Variants in EGFLAM observed in about 807,000 individuals in gnomAD.
The protein encoded by EGFLAM is pikachurin.
A neutral mutation model predicts 113.1 loss-of-function variants in EGFLAM; 79 were observed. The observed-to-expected ratio is 0.70, with a 90% CI of 0.58 to 0.84. EGFLAM has a LOEUF of 0.84. Ranked by LOEUF, EGFLAM falls within the 40% of genes least tolerant of loss-of-function variation. The pLI, the probability that EGFLAM is intolerant of heterozygous loss-of-function variation, is 0.00. For synonymous variants in EGFLAM, 504 were observed against 487.6 expected, an observed-to-expected ratio of 1.03 and a Z score of -0.44; for missense variants, 1,265 against 1,291.6, an observed-to-expected ratio of 0.98 and a Z score of 0.32.
chr5:38,335,373 T>A (rs1276124924), intron 1 of EGFLAM, among the ~76,000 whole-genome samples: 4 of 152,218 alleles, frequency 2.6e-5, no homozygotes, highest in Non-Finnish European at 5.9e-5. Flanking sequence ...ACATGCGTGC[T>A]CTGAAAAGCA....
chr5:38,383,244 C>T (rs966030183), intron 6 of EGFLAM, among the ~76,000 whole-genome samples: 5 of 152,108 alleles, frequency 3.3e-5, no homozygotes, highest in African/African-American at 7.2e-5. Flanking sequence ...CGTTCTTTGG[C>T]GTTTATAACA....
At chr5:38,412,239 A>C (rs1257429257) in intron 10 of EGFLAM, among the ~76,000 whole-genome samples, 1 of 152,154 alleles carries the variant, frequency 6.6e-6, no homozygotes, top group African/African-American at 2.4e-5. Context: ...TGATTTTCTA[A>C]GTTGCAGAAA....
At chr5:38,463,201 G>T (rs115123581) in intron 21 of EGFLAM, among the ~76,000 whole-genome samples, 190 bp downstream of exon 21, 1 of 152,122 alleles carries the variant, frequency 6.6e-6, no homozygotes, top group Non-Finnish European at 1.5e-5. Context: ...GGCTCCCTTC[G>T]ATGCTTTTAT....
intron 1 of EGFLAM, among the ~76,000 whole-genome samples, chr5:38,270,790 A>G (rs996661601): frequency 4.6e-5 from 7 of 152,248 alleles, no homozygotes; most frequent in African/African-American, 1.7e-4. Flanking sequence ...ATATACCTGC[A>G]AAAGTACCTA....
At chr5:38,445,779 G>T in intron 17 of EGFLAM, 1 of 1,475,510 alleles carries the variant, frequency 6.8e-7, no homozygotes, top group Non-Finnish European at 9.4e-7. Flanking sequence ...AGGGGGACCC[G>T]GGGTGAGTGG....
At chr5:38,314,991 G>A (rs6872312) in intron 1 of EGFLAM, among the ~76,000 whole-genome samples, 25,677 of 152,078 alleles carry the variant, frequency 0.17, 2,714 homozygotes, top group African/African-American at 0.3. Context: ...AATATTTGGG[G>A]GTCATTTGCT....
At chr5:38,438,799 GCCTAT>G (rs1421506005) in intron 17 of EGFLAM, among the ~76,000 whole-genome samples, 2 of 152,162 alleles carry the variant, frequency 1.3e-5, no homozygotes, top group African/African-American at 4.8e-5. Context: ...CACTCCCAGA[GCCTAT>G]CCTGATAGAT....
rs1742429256 is a variant in EGFLAM, at chr5:38,438,453, A to G, written c.2462A>G (p.Lys821Arg). Reference protein sequence around the residue: ...PLGFEGLHCQKAIIEAIEIPQ... With the variant: ...PLGFEGLHCQRAIIEAIEIPQ... ...GGCTTTGAGGGGCTTCACTGCCAGA[A>G]AGGTACGCTCAGGGGTCTGAGGCAC... Residue 821 changes from lysine (K) to arginine (R), a missense_variant and splice_region_variant, in exon 17 of 22, where the codon AAA (lysine) becomes AGA (arginine). Transcript: ENST00000322350. 5 of 1,607,254 alleles carry G rather than the reference A, an allele frequency of 3.1e-6. No homozygotes were observed. The highest frequency in any genetic ancestry group is 4.3e-6 in the Non-Finnish European group (5 of 1,175,706).
intron 6 of EGFLAM, among the ~76,000 whole-genome samples, chr5:38,383,072 C>T (rs1434042414): frequency 6.6e-6 from 1 of 152,206 alleles, no homozygotes; most frequent in African/African-American, 2.4e-5. Context: ...AGTCTGGAGT[C>T]ACCTGAAGTG....
rs1743397801 is a variant in EGFLAM, at chr5:38,464,343, G to GAA, written c.*359_*360dup. 4.9e-6 allele frequency: 1 copy of GAA among 202,460 alleles called. No homozygotes were observed. Among genetic ancestry groups the GAA allele is most frequent in the Non-Finnish European group, 1.0e-5 (1 of 100,026 alleles). The allele number at this position is 202,460 out of a possible 1,614,324, so 12.5% of individuals were successfully genotyped here. A position where few individuals can be genotyped will look rare whatever the true frequency, so the allele number is the denominator to read the frequency against. On this transcript the variant is annotated 3_prime_UTR_variant, in exon 22 of 22. Transcript: ENST00000322350. ...AGTACATTAAAAAGAGAGAGAGAGAGAAAGAATCCCACAGGGCACTATTAA... is the reference window on the plus strand; with the variant it reads ...AGTACATTAAAAAGAGAGAGAGAGAGAAAAAGAATCCCACAGGGCACTATTAA...
intron 1 of EGFLAM, among the ~76,000 whole-genome samples, chr5:38,301,125 G>T (rs7732529): frequency 6.6e-6 from 1 of 152,008 alleles, no homozygotes; most frequent in African/African-American, 2.4e-5. Context: ...GAGAAACTGT[G>T]GTCAGAACAA....
intron 6 of EGFLAM, among the ~76,000 whole-genome samples, chr5:38,383,437 C>A (rs1579848452): frequency 6.7e-6 from 1 of 149,354 alleles, no homozygotes; most frequent in African/African-American, 2.5e-5. Flanking sequence ...TTTAACATTA[C>A]CCCTGAAAAC....
chr5:38,450,431 A>G (rs1742875172), intron 18 of EGFLAM, among the ~76,000 whole-genome samples: 1 of 152,222 alleles, frequency 6.6e-6, no homozygotes, highest in South Asian at 2.1e-4. Context: ...GATTGAGGAC[A>G]CTGCAGACAC....
intron 5 of EGFLAM, among the ~76,000 whole-genome samples, chr5:38,361,579 C>T (rs566500211): frequency 6.6e-6 from 1 of 152,126 alleles, no homozygotes; most frequent in South Asian, 2.1e-4. Flanking sequence ...GAAGAATTGT[C>T]TTGGGCCACA....
intron 1 of EGFLAM, among the ~76,000 whole-genome samples, chr5:38,307,371 T>C (rs190520793): frequency 7.2e-5 from 11 of 152,304 alleles, no homozygotes; most frequent in African/African-American, 2.6e-4. Flanking sequence ...ATGGTATCCC[T>C]CATGCTGTTC....
At position 38,406,930 on chromosome 5, in the gene EGFLAM, C is replaced by A. The variant is rs764887956; in HGVS notation, c.931C>A (p.Pro311Thr). The A allele has an allele frequency of 1.9e-6, 3 of 1,614,198 alleles. No homozygotes were observed. Among genetic ancestry groups the A allele is most frequent in the Non-Finnish European group, 2.5e-6 (3 of 1,180,030 alleles). The change falls in exon 8 of 22, where the codon CCT (proline) becomes ACT (threonine). Residue 311 changes from proline (P) to threonine (T), a missense_variant. Physicochemically the swap from Pro to Thr is conservative, Grantham distance 38. Transcript: ENST00000322350. Reference protein sequence around the residue: ...NPKTISRLIPPTSASLPVTTV... With the variant: ...NPKTISRLIPTTSASLPVTTV... Reference sequence around the variant, plus strand: ...AAAGACCATTTCTAGGCTCATCCCCCCTACCTCAGCATCTCTCCCTGTGAC... The same window carrying A: ...AAAGACCATTTCTAGGCTCATCCCCACTACCTCAGCATCTCTCCCTGTGAC...
intron 1 of EGFLAM, among the ~76,000 whole-genome samples, chr5:38,290,096 C>A (rs1420949131): frequency 2.0e-5 from 3 of 152,030 alleles, no homozygotes; most frequent in Non-Finnish European, 4.4e-5. Flanking sequence ...AAAATCAGAC[C>A]ACAGAGATGA....
chr5:38,449,437 G>A (rs1357282965), intron 18 of EGFLAM, among the ~76,000 whole-genome samples: 1 of 152,174 alleles, frequency 6.6e-6, no homozygotes, highest in Non-Finnish European at 1.5e-5. Context: ...TGGATTCCCA[G>A]CCAAGAGAGA....
At position 38,464,266 on chromosome 5, in the gene EGFLAM, T is replaced by A. The variant is rs1051225808; in HGVS notation, c.*280T>A. ...GCGGCTGCCAGAGATCACACATCAA[T>A]GCAAATTCCAGAGCCTGTCTGCTAT... is the stretch of plus-strand genomic sequence containing the variant. On this transcript the variant is annotated 3_prime_UTR_variant, in exon 22 of 22. Coordinates refer to ENST00000322350, the MANE Select transcript of EGFLAM (RefSeq NM_152403.4). The A allele has an allele frequency of 2.4e-6, 1 of 411,532 alleles. No homozygotes were observed. The highest frequency in any genetic ancestry group is 4.4e-6 in the Non-Finnish European group (1 of 227,574). 25.5% of individuals were successfully genotyped at this position (411,532 alleles called of 1,614,324 possible).
Sources: gnomAD v4.1 joint callset for allele counts (sites outside exome capture counted in the v4.1 genomes callset) on GRCh38, gnomAD v4.1.1 for gene constraint, MANE v1.5 for transcripts, NCBI Gene and HGNC (gene_info 2026-07-23, HGNC 2026-07-21) for gene names.